The following ZFR variants were observed in gnomAD, a reference collection of about 807,000 sequenced individuals.
ZFR encodes the protein zinc finger RNA binding protein.
A neutral mutation model predicts 130.7 loss-of-function variants in ZFR; 19 were observed. That is an observed-to-expected ratio of 0.15 (90% CI 0.10 to 0.21). The LOEUF (loss-of-function observed/expected upper bound fraction) is 0.21. Ranked by LOEUF, ZFR falls within the 10% of genes least tolerant of loss-of-function variation. The pLI is 1.00. For synonymous variants in ZFR, 466 were observed against 456.9 expected, an observed-to-expected ratio of 1.02 and a Z score of -0.25; for missense variants, 872 against 1,321.5, an observed-to-expected ratio of 0.66 and a Z score of 5.27.
chr5:32,433,916 T>C (rs529959240), intron 2 of ZFR, among the ~76,000 whole-genome samples: 8 of 152,186 alleles, frequency 5.3e-5, no homozygotes, highest in Non-Finnish European at 1.2e-4. Context: ...ACCCCATCTC[T>C]ACAAAAATAA....
intron 15 of ZFR, chr5:32,383,898 C>A: frequency 2.3e-6 from 1 of 427,332 alleles, no homozygotes; most frequent in Non-Finnish European, 4.7e-6. Context: ...TGTCTTGAAG[C>A]AAAATCTTTC....
chr5:32,421,251 G>C (rs1753950756), intron 2 of ZFR, among the ~76,000 whole-genome samples: 2 of 152,048 alleles, frequency 1.3e-5, no homozygotes, highest in African/African-American at 4.8e-5. Flanking sequence ...CAGTTATTTA[G>C]CTGATAGGTT....
At chr5:32,391,810 A>T (rs1184549523) in intron 11 of ZFR, among the ~76,000 whole-genome samples, 1 of 151,766 alleles carries the variant, frequency 6.6e-6, no homozygotes, top group Non-Finnish European at 1.5e-5. Flanking sequence ...CACCCATTGC[A>T]GTGGCCTTGA....
In ZFR at chr5:32,355,069, A is replaced by G. The variant is rs1752276401; in HGVS notation, c.*691T>C. The G allele has an allele frequency of 1.3e-5, 2 of 152,358 alleles. No homozygotes were observed. Among genetic ancestry groups the G allele is most frequent in the East Asian group, 1.9e-4 (1 of 5,196 alleles). The allele number at this position is 152,358 out of a possible 1,614,324, so 9.4% of individuals were successfully genotyped here. ...ACTGTTGCAAGACCATATAGTATAT[A>G]TTAGCTTTTATACTGCTAATGCACA... On this transcript the variant is annotated 3_prime_UTR_variant, in exon 20 of 20. Transcript: ENST00000265069.
rs774586995 is a variant in ZFR at position 32,364,160 on chromosome 5, T to C, written c.2947+4A>G. On this transcript the variant is annotated splice_donor_region_variant and intron_variant, in intron 18 of 19. Coordinates refer to ENST00000265069, the MANE Select transcript of ZFR (RefSeq NM_016107.5). ...TACTTCATTAAAAACAAAGTAAGAG[T>C]TACCTTTAAGAATAATCCCTGAAGA... 16 of 1,607,194 alleles carry C rather than the reference T, an allele frequency of 1.0e-5. 1 individual carries two copies. Among genetic ancestry groups the C allele is most frequent in the Non-Finnish European group, 1.3e-5 (15 of 1,175,054 alleles).
chr5:32,404,871 C>T (rs1340399312), intron 6 of ZFR, among the ~76,000 whole-genome samples: 2 of 152,014 alleles, frequency 1.3e-5, no homozygotes, highest in Admixed American at 6.6e-5. Context: ...GGCTTCAGTG[C>T]GGTGGCACAA....
At chr5:32,361,739 C>A (rs1752438964) in intron 19 of ZFR, among the ~76,000 whole-genome samples, 1 of 151,014 alleles carries the variant, frequency 6.6e-6, no homozygotes, top group African/African-American at 2.4e-5. Flanking sequence ...GTGCCTTAGT[C>A]TCCCAAGTAG....
chr5:32,380,395 T>A, intron 15 of ZFR: 1 of 392,298 alleles, frequency 2.5e-6, no homozygotes, highest in Non-Finnish European at 4.7e-6. Flanking sequence ...TCTGGAAATA[T>A]AAACCCTACC....
intron 1 of ZFR, 120 bp downstream of exon 1, chr5:32,444,502 G>T: frequency 7.6e-7 from 1 of 1,314,194 alleles, no homozygotes; most frequent in Non-Finnish European, 9.9e-7. Flanking sequence ...TCACTCACTC[G>T]CACGCCCGGG....
At chr5:32,410,340 G>A (rs1413295192) in intron 5 of ZFR, among the ~76,000 whole-genome samples, 1 of 150,458 alleles carries the variant, frequency 6.6e-6, no homozygotes, top group African/African-American at 2.5e-5. Flanking sequence ...CAGGCGTGGT[G>A]GCTCACATCT....
intron 17 of ZFR, among the ~76,000 whole-genome samples, chr5:32,366,972 G>A (rs558161064): frequency 6.6e-6 from 1 of 151,672 alleles, no homozygotes; most frequent in African/African-American, 2.4e-5. Flanking sequence ...GCACACTGCA[G>A]CCGAGCTTGA....
chr5:32,367,714 C>T (rs115383489), intron 17 of ZFR, among the ~76,000 whole-genome samples: 2,944 of 152,186 alleles, frequency 0.019, 111 homozygotes, highest in African/African-American at 0.068. Flanking sequence ...AGATTACAGG[C>T]GTGAGCCACT....
intron 19 of ZFR, among the ~76,000 whole-genome samples, chr5:32,362,579 C>CATCACA (rs1163025675): frequency 6.6e-6 from 1 of 152,142 alleles, no homozygotes; most frequent in African/African-American, 2.4e-5. Context: ...ATGTAACTAC[C>CATCACA]ATCACAATCA....
intron 3 of ZFR, among the ~76,000 whole-genome samples, chr5:32,418,501 C>A (rs1003327079): frequency 1.3e-5 from 2 of 152,114 alleles, no homozygotes; most frequent in African/African-American, 4.8e-5. Context: ...TCAAGGTGAG[C>A]TGAGTGAATT....
At position 32,400,003 on chromosome 5, in the gene ZFR, T is replaced by C; in HGVS notation, c.1713+4A>G. On this transcript the variant is annotated splice_donor_region_variant and intron_variant, in intron 9 of 19. Transcript: ENST00000265069. Reference sequence around the variant, plus strand: ...CACAGCAATGGTATTCTCAAATCAATTACCTCTTCCACATAATCATGGCCC... The same window carrying C: ...CACAGCAATGGTATTCTCAAATCAACTACCTCTTCCACATAATCATGGCCC... 1 of 1,595,384 alleles carries C rather than the reference T, an allele frequency of 6.3e-7. No individual in the cohort carries two copies. Among genetic ancestry groups the C allele is most frequent in the Non-Finnish European group, 8.5e-7 (1 of 1,170,778 alleles).
At chr5:32,372,332 G>A (rs1308079435) in intron 17 of ZFR, among the ~76,000 whole-genome samples, 1 of 152,126 alleles carries the variant, frequency 6.6e-6, no homozygotes, top group Non-Finnish European at 1.5e-5. Flanking sequence ...GGTCAATGTA[G>A]GTTCATTAAT....
chr5:32,400,058 A>T lies in ZFR; in HGVS notation c.1662T>A (p.Leu554=). The stretch of plus-strand genomic sequence containing the variant: ...GCTGCACATCACTCTGTAAAGCAGC[A>T]AGAGATGCAGGTGTGACTGGTTCTG... ...TVSEPVTPAS[L]AALQSDVQPV... The change falls in exon 9 of 20, where the codon CTT becomes CTA. Residue 554 remains leucine (L), a synonymous_variant. Transcript: ENST00000265069. 1 of 1,613,270 alleles carries T rather than the reference A, an allele frequency of 6.2e-7. No individual in the cohort carries two copies. Among genetic ancestry groups the T allele is most frequent in the East Asian group, 2.2e-5 (1 of 44,856 alleles).
chr5:32,434,568 A>G (rs1273503990), intron 2 of ZFR, among the ~76,000 whole-genome samples: 1 of 152,240 alleles, frequency 6.6e-6, no homozygotes, highest in East Asian at 1.9e-4. Flanking sequence ...TAGTTATTTC[A>G]CTACTGTACC....
At chr5:32,440,401 A>G (rs1754442544) in intron 2 of ZFR, among the ~76,000 whole-genome samples, 1 of 152,180 alleles carries the variant, frequency 6.6e-6, no homozygotes, top group South Asian at 2.1e-4. Context: ...TAATCCCAGC[A>G]CTTTTGGAGG....
Sources: gnomAD v4.1 joint callset for allele counts (sites outside exome capture counted in the v4.1 genomes callset) on GRCh38, gnomAD v4.1.1 for gene constraint, MANE v1.5 for transcripts, NCBI Gene and HGNC (gene_info 2026-07-23, HGNC 2026-07-21) for gene names.